SPIRE1: variants seen among roughly 807,000 people sequenced by gnomAD.
The protein encoded by SPIRE1 is protein spire homolog 1.
SPIRE1 carries 40 observed loss-of-function variants against 94.1 expected under a neutral mutation model. The ratio of observed to expected loss-of-function variants is 0.43; its 90% CI spans 0.33 to 0.55. The LOEUF is 0.55. Among genes scored for constraint, SPIRE1 ranks in the 20% least tolerant of loss-of-function variants. SPIRE1 has a pLI of 0.06. For synonymous variants in SPIRE1, 376 were observed against 371.7 expected (o/e 1.01, Z -0.13); for missense variants, 838 against 975.2 (o/e 0.86, Z 1.87).
At chr18:12,464,146 T>C (rs984060923) in intron 11 of SPIRE1, among the ~76,000 whole-genome samples, 2 of 152,206 alleles carry the variant, frequency 1.3e-5, no homozygotes, top group African/African-American at 4.8e-5. Flanking sequence ...TCCATCTATT[T>C]AGACTGTCCC....
intron 1 of SPIRE1, among the ~76,000 whole-genome samples, chr18:12,642,790 A>G (rs996562629): frequency 6.6e-6 from 1 of 152,156 alleles, no homozygotes; most frequent in Non-Finnish European, 1.5e-5. Flanking sequence ...GGGGAGGAAG[A>G]GCATTAGGAC....
intron 2 of SPIRE1, among the ~76,000 whole-genome samples, chr18:12,600,239 G>C (rs1004952003): frequency 2.0e-5 from 3 of 151,988 alleles, no homozygotes; most frequent in Non-Finnish European, 4.4e-5. Context: ...ACCTGAATTA[G>C]AATCTTAGGA....
At chr18:12,576,464 C>A (rs187182657) in intron 2 of SPIRE1, among the ~76,000 whole-genome samples, 33 of 150,096 alleles carry the variant, frequency 2.2e-4, no homozygotes, top group Middle Eastern at 3.6e-3. Flanking sequence ...TGCCTGTAAT[C>A]CCAGCACTTT....
intron 12 of SPIRE1, among the ~76,000 whole-genome samples, chr18:12,457,692 T>C (rs1403808589): frequency 3.2e-5 from 2 of 61,742 alleles, no homozygotes; most frequent in Non-Finnish European, 5.2e-5. Flanking sequence ...GTCACTAAAA[T>C]TGTTGAGTTT....
intron 2 of SPIRE1, among the ~76,000 whole-genome samples, chr18:12,613,549 C>T (rs1291901282): frequency 6.6e-6 from 1 of 152,192 alleles, no homozygotes; most frequent in Non-Finnish European, 1.5e-5. Context: ...GCATAAAATA[C>T]ACCCCAGATT....
At chr18:12,473,604 G>A (rs1220083574) in intron 10 of SPIRE1, among the ~76,000 whole-genome samples, 2 of 152,180 alleles carry the variant, frequency 1.3e-5, no homozygotes, top group African/African-American at 4.8e-5. Flanking sequence ...TAAAAAGCAA[G>A]TCAGTGTCTT....
At chr18:12,576,716 C>T (rs571544461) in intron 2 of SPIRE1, among the ~76,000 whole-genome samples, 4 of 151,004 alleles carry the variant, frequency 2.6e-5, no homozygotes, top group Non-Finnish European at 4.4e-5. Context: ...GGTGAAACCC[C>T]GTCTCTACTA....
chr18:12,533,284 G>A lies in SPIRE1; in HGVS notation c.729+2192C>T, dbSNP rs567730034. On this transcript the variant is annotated intron_variant, in intron 4 of 16. Transcript: ENST00000409402. ...CGGTCAGCCTGGCCAGTTTCTGCAG[G>A]CACTGCCACACAGCAGTTTTACTCC... 1.6e-4 allele frequency among the ~76,000 whole-genome samples: 25 copies of A among 152,308 alleles called. No individual in the cohort carries two copies. In the South Asian group the frequency reaches 5.2e-3, roughly 32 times the overall value.
At chr18:12,500,532 T>C (rs1386610730) in intron 6 of SPIRE1, among the ~76,000 whole-genome samples, 3 of 152,268 alleles carry the variant, frequency 2.0e-5, no homozygotes, top group Admixed American at 6.5e-5. Flanking sequence ...ATTGGTGCAA[T>C]TGCTGTGGAA....
At chr18:12,523,923 A>C (rs2034431951) in intron 4 of SPIRE1, among the ~76,000 whole-genome samples, 2 of 152,198 alleles carry the variant, frequency 1.3e-5, no homozygotes, top group Admixed American at 6.5e-5. Flanking sequence ...ACTCCTAGGA[A>C]GAAAGTATTT....
intron 2 of SPIRE1, among the ~76,000 whole-genome samples, chr18:12,622,524 G>T (rs1014348371): frequency 6.8e-6 from 1 of 146,894 alleles, no homozygotes; most frequent in Non-Finnish European, 1.5e-5. Flanking sequence ...CCCGGTTCAC[G>T]CCATTCTCCT....
chr18:12,519,838 A>T (rs1314124156), intron 4 of SPIRE1, among the ~76,000 whole-genome samples: 1 of 152,252 alleles, frequency 6.6e-6, no homozygotes, highest in African/African-American at 2.4e-5. Context: ...TGCTAAGGAC[A>T]GTATCAACTA....
intron 1 of SPIRE1, among the ~76,000 whole-genome samples, chr18:12,655,795 G>C (rs2038521946): frequency 6.6e-6 from 1 of 152,154 alleles, no homozygotes; most frequent in South Asian, 2.1e-4. Flanking sequence ...AATGTAAACT[G>C]GGGGCTTGTT....
At chr18:12,491,204 T>G (rs2033221359) in intron 8 of SPIRE1, among the ~76,000 whole-genome samples, 1 of 147,460 alleles carries the variant, frequency 6.8e-6, no homozygotes, top group Non-Finnish European at 1.5e-5. Flanking sequence ...GACTTACTGT[T>G]AACATGTGAA....
At chr18:12,651,102 T>C (rs2038367578) in intron 1 of SPIRE1, among the ~76,000 whole-genome samples, 2 of 152,172 alleles carry the variant, frequency 1.3e-5, no homozygotes, top group Non-Finnish European at 2.9e-5. Flanking sequence ...TATTTGCCCT[T>C]ACATCACCCA....
At chr18:12,471,659 G>A (rs1368737261) in intron 10 of SPIRE1, among the ~76,000 whole-genome samples, 1 of 152,082 alleles carries the variant, frequency 6.6e-6, no homozygotes, top group Non-Finnish European at 1.5e-5. Flanking sequence ...CTCATGTACC[G>A]TGAGAATACT....
intron 3 of SPIRE1, among the ~76,000 whole-genome samples, chr18:12,542,411 T>C (rs2035040311): frequency 6.6e-6 from 1 of 152,206 alleles, no homozygotes; most frequent in African/African-American, 2.4e-5. Flanking sequence ...AACTACTGTA[T>C]TGAGCAGTAT....
chr18:12,561,393 C>T (rs1405879747), intron 2 of SPIRE1, among the ~76,000 whole-genome samples: 2 of 151,970 alleles, frequency 1.3e-5, no homozygotes, highest in Non-Finnish European at 2.9e-5. Context: ...CCTCAGCCTC[C>T]CGAGTAGCTG....
intron 8 of SPIRE1, among the ~76,000 whole-genome samples, chr18:12,489,537 T>C (rs796244538): frequency 3.9e-5 from 6 of 152,208 alleles, no homozygotes; most frequent in African/African-American, 1.2e-4. Context: ...AAATTGAGGA[T>C]GTCAATTAAG....
Sources: allele counts gnomAD v4.1 joint callset (sites outside exome capture counted in the v4.1 genomes callset), GRCh38; gene constraint gnomAD v4.1.1; transcripts MANE v1.5; gene names NCBI Gene and HGNC (gene_info 2026-07-23, HGNC 2026-07-21).